CRYBG3: variants seen among roughly 807,000 people sequenced by gnomAD.
CRYBG3 encodes the protein very large A-kinase anchor protein.
Under a neutral mutation model 244.2 loss-of-function variants are expected in CRYBG3, and 127 were observed. The ratio of observed to expected loss-of-function variants is 0.52; its 90% CI spans 0.45 to 0.60. The LOEUF (loss-of-function observed/expected upper bound fraction) is 0.60. CRYBG3 is among the 20% of genes least tolerant of loss of function. The probability of loss-of-function intolerance (pLI) is 0.00; values close to 1 mark genes in which losing one functional copy is unlikely to be tolerated. For synonymous variants in CRYBG3, 1,132 were observed against 1,195.8 expected, an observed-to-expected ratio of 0.95 and a Z score of 1.10; for missense variants, 3,325 against 3,442.5, an observed-to-expected ratio of 0.97 and a Z score of 0.85.
chr3:97,907,712 A>G (rs1278578140), intron 15 of CRYBG3, among the ~76,000 whole-genome samples: 1 of 151,490 alleles, frequency 6.6e-6, no homozygotes, highest in Non-Finnish European at 1.5e-5. Context: ...TGGATTCATT[A>G]ATTTTTTGAA....
chr3:97,829,391 C>T (rs545887720), intron 1 of CRYBG3, among the ~76,000 whole-genome samples: 12 of 152,224 alleles, frequency 7.9e-5, no homozygotes, highest in African/African-American at 2.2e-4. Context: ...CTCATTTTTA[C>T]GTGCTCACCT....
intron 2 of CRYBG3, among the ~76,000 whole-genome samples, chr3:97,857,052 T>C (rs981546138): frequency 6.6e-6 from 1 of 152,148 alleles, no homozygotes; most frequent in African/African-American, 2.4e-5. Context: ...CTGCTTTTGC[T>C]GTATCCTATA....
rs185012470 is a variant in CRYBG3, at chr3:97,903,608, T to C, written c.8004+3123T>C. On this transcript the variant is annotated intron_variant, in intron 15 of 21. Coordinates refer to ENST00000389622, the MANE Select transcript of CRYBG3 (RefSeq NM_153605.4). ...AGAAAGTTTCTCATAGAAACTATTT[T>C]AGTATTGGAGTAACTAAAATTACAT... Among the ~76,000 whole-genome samples, 22 of 152,306 alleles carry C rather than the reference T, an allele frequency of 1.4e-4. No homozygotes were observed. The East Asian group carries it at 4.2e-3, about 29-fold the overall frequency.
At chr3:97,897,856 T>C (rs2108237989) in intron 12 of CRYBG3, among the ~76,000 whole-genome samples, 1 of 152,308 alleles carries the variant, frequency 6.6e-6, no homozygotes, top group South Asian at 2.1e-4. Flanking sequence ...TTTTCTAAAA[T>C]AGATGTTTAA....
rs187778671 is a variant in CRYBG3 at position 97,942,280 on chromosome 3, T to G, written c.8665-4T>G. On this transcript the variant is annotated splice_polypyrimidine_tract_variant and splice_region_variant and intron_variant, in intron 20 of 21. Transcript: ENST00000389622. Reference sequence around the variant, plus strand: ...GCCAATTAATCATTTCTTAACCCTTTTAGGCCAGTGATACATGTCTTGATG... The same window carrying G: ...GCCAATTAATCATTTCTTAACCCTTGTAGGCCAGTGATACATGTCTTGATG... The G allele has an allele frequency of 1.2e-5, 20 of 1,603,330 alleles. No homozygotes were observed. Among genetic ancestry groups the G allele is most frequent in the Non-Finnish European group, 6.0e-6 (7 of 1,173,614 alleles).
chr3:97,842,553 TA>T (rs2038836451), intron 1 of CRYBG3, among the ~76,000 whole-genome samples: 1 of 151,278 alleles, frequency 6.6e-6, no homozygotes, highest in Admixed American at 6.6e-5. Flanking sequence ...AGACCATCTC[TA>T]AAAAAGAAAA....
Position 97,822,229 on chromosome 3 carries a change from G to T in CRYBG3, c.23G>T (p.Gly8Val). Residue 8 changes from glycine (G) to valine (V), a missense_variant, in exon 1 of 22, where the codon GGC (glycine) becomes GTC (valine). By Grantham distance (109) the Gly-to-Val change is moderately radical. Around this residue, in one of 4 missense-constraint regions of CRYBG3, gnomAD observed 1,526 missense variants for 1,443.2 expected, o/e 1.06. Transcript: ENST00000389622. Reference sequence around the variant, plus strand: ...GAAATGTCCAGCGGCCGCAGAAGGGGCAGCGCCCCCTGGCACAGCTTCTCC... The same window carrying T: ...GAAATGTCCAGCGGCCGCAGAAGGGTCAGCGCCCCCTGGCACAGCTTCTCC... MSSGRRR[G>V]SAPWHSFSRF... 6.5e-7 allele frequency: 1 copy of T among 1,527,798 alleles called. No individual in the cohort carries two copies. Among genetic ancestry groups the T allele is most frequent in the Non-Finnish European group, 8.7e-7 (1 of 1,143,364 alleles). 94.6% of individuals were successfully genotyped at this position (1,527,798 alleles called of 1,614,324 possible). A position where few individuals can be genotyped will look rare whatever the true frequency, so the allele number is the denominator to read the frequency against.
At chr3:97,881,979 T>C (rs540215664) in intron 7 of CRYBG3, among the ~76,000 whole-genome samples, 29 of 151,614 alleles carry the variant, frequency 1.9e-4, no homozygotes, top group South Asian at 2.1e-4. Context: ...GAGGCTGAGG[T>C]GGGTGGATCA....
intron 17 of CRYBG3, among the ~76,000 whole-genome samples, chr3:97,917,362 GA>G (rs2039939557): frequency 6.6e-6 from 1 of 152,046 alleles, no homozygotes; most frequent in Non-Finnish European, 1.5e-5. Flanking sequence ...GGAAGTACTT[GA>G]AATCTATAGA....
At position 97,934,457 on chromosome 3, in the gene CRYBG3, T is replaced by C. The variant is rs549153722; in HGVS notation, c.8381+624T>C. On this transcript the variant is annotated intron_variant, in intron 18 of 21. Transcript: ENST00000389622. ...ATCCAGTTCTGAAGAGTCCGGCATATAAACCAGCCCCTACTCCTGCACTGT... is the reference window on the plus strand; with the variant it reads ...ATCCAGTTCTGAAGAGTCCGGCATACAAACCAGCCCCTACTCCTGCACTGT... Among the ~76,000 whole-genome samples, 8 of 152,120 alleles carry C rather than the reference T, an allele frequency of 5.3e-5. No individual in the cohort carries two copies. In the South Asian group the frequency reaches 1.7e-3, roughly 32 times the overall value.
At chr3:97,900,274 G>A (rs944138118) in intron 14 of CRYBG3, among the ~76,000 whole-genome samples, 179 bp from the exon 15 acceptor site, 1 of 152,134 alleles carries the variant, frequency 6.6e-6, no homozygotes. Context: ...CTTGAGCCCT[G>A]AAGATCAAGG....
At chr3:97,852,269 T>A (rs1261441849) in intron 2 of CRYBG3, among the ~76,000 whole-genome samples, 1 of 152,156 alleles carries the variant, frequency 6.6e-6, no homozygotes, top group African/African-American at 2.4e-5. Flanking sequence ...AGAAGAGTAT[T>A]CAGAGAGTAA....
intron 17 of CRYBG3, among the ~76,000 whole-genome samples, chr3:97,925,699 C>G (rs1288119760): frequency 3.9e-5 from 6 of 151,976 alleles, no homozygotes; most frequent in Admixed American, 3.9e-4. Flanking sequence ...GTGGTCACCT[C>G]TGGGGGTGGT....
intron 10 of CRYBG3, among the ~76,000 whole-genome samples, chr3:97,892,567 G>C (rs1307519468): frequency 6.6e-6 from 1 of 152,000 alleles, no homozygotes; most frequent in African/African-American, 2.4e-5. Flanking sequence ...AGCAAAATTT[G>C]TGTTGCTCTG....
At position 97,873,341 on chromosome 3, in the gene CRYBG3, G is replaced by A. The variant is rs1559727361; in HGVS notation, c.2147G>A (p.Ser716Asn). The change falls in exon 4 of 22, where the codon AGT (serine) becomes AAT (asparagine). Residue 716 changes from serine (S) to asparagine (N), a missense_variant. Physicochemically the swap from Ser to Asn is conservative, Grantham distance 46. This residue lies in a region of CRYBG3 where 1,526 missense variants were observed against 1,443.2 expected (regional missense o/e 1.06). Coordinates refer to ENST00000389622, the MANE Select transcript of CRYBG3 (RefSeq NM_153605.4). ...CATGTTGAGGCTGCAGGCAGGAAGA[G>A]TCCTCCTCCTTCCTTTTGCCTTGAA... is the stretch of plus-strand genomic sequence containing the variant. ...KNHVEAAGRK[S>N]PPPSFCLEYT... 4 of 1,535,924 alleles carry A rather than the reference G, an allele frequency of 2.6e-6. No individual in the cohort carries two copies. Among genetic ancestry groups the A allele is most frequent in the South Asian group, 2.4e-5 (2 of 84,050 alleles).
chr3:97,838,448 A>G (rs1464330645), intron 1 of CRYBG3, among the ~76,000 whole-genome samples: 1 of 152,076 alleles, frequency 6.6e-6, no homozygotes, highest in Non-Finnish European at 1.5e-5. Context: ...AATCTGGGGT[A>G]AAGGGTGATT....
chr3:97,889,192 G>A (rs971365498), intron 9 of CRYBG3, among the ~76,000 whole-genome samples, 163 bp from the exon 10 acceptor site: 31 of 152,114 alleles, frequency 2.0e-4, no homozygotes, highest in African/African-American at 7.0e-4. Context: ...CTACTATAGA[G>A]TTCTGTGCTT....
At position 97,874,800 on chromosome 3, in the gene CRYBG3, A is replaced by G. The variant is rs1233378251; in HGVS notation, c.3606A>G (p.Thr1202=). The G allele has an allele frequency of 3.9e-6, 6 of 1,535,934 alleles. No homozygotes were observed. The highest frequency in any genetic ancestry group is 2.4e-5 in the East Asian group (1 of 40,924). ...GTAGTTTACTCAAAAAGGCCGATAC[A>G]TTGATTGGTGAGATTTTTAATTCTG... ...LKSSLLKKAD[T]LIGEIFNSVR... Residue 1202 remains threonine (T), a synonymous_variant, in exon 4 of 22, where the codon ACA becomes ACG. Transcript: ENST00000389622.
At chr3:97,905,702 C>G (rs1220495485) in intron 15 of CRYBG3, among the ~76,000 whole-genome samples, 2 of 139,328 alleles carry the variant, frequency 1.4e-5, no homozygotes, top group Non-Finnish European at 3.1e-5. Context: ...GTTGCCTGTT[C>G]ACTCTGATGG....
Sources: allele counts gnomAD v4.1 joint callset (sites outside exome capture counted in the v4.1 genomes callset), GRCh38; gene constraint gnomAD v4.1.1; regional missense constraint gnomAD v4.1.1; transcripts MANE v1.5; gene names NCBI Gene and HGNC (gene_info 2026-07-23, HGNC 2026-07-21).